Variants in DBX2 observed in about 807,000 individuals in gnomAD.
DBX2 encodes homeobox protein DBX2.
DBX2 carries 16 observed loss-of-function variants against 17.7 expected under a neutral mutation model. That is an observed-to-expected ratio of 0.90 (90% CI 0.61 to 1.37). The LOEUF is 1.37. DBX2 is among the 40% of genes most tolerant of loss of function. DBX2 has a pLI of 0.00. For synonymous variants in DBX2, 255 were observed against 183.8 expected (o/e 1.39, Z -3.13); for missense variants, 538 against 433.8 (o/e 1.24, Z -2.13).
chr12:45,049,144 G>A (rs186732791), intron 1 of DBX2, among the ~76,000 whole-genome samples: 3 of 152,136 alleles, frequency 2.0e-5, no homozygotes, highest in East Asian at 3.9e-4. Flanking sequence ...TTTTCATGGC[G>A]GAGACAATTA....
At chr12:45,041,866 T>C (rs1946473299) in intron 1 of DBX2, among the ~76,000 whole-genome samples, 1 of 152,242 alleles carries the variant, frequency 6.6e-6, no homozygotes, top group African/African-American at 2.4e-5. Flanking sequence ...TTGAGTCTGC[T>C]GGTTAATGAA....
intron 1 of DBX2, among the ~76,000 whole-genome samples, chr12:45,036,562 C>G (rs1946442189): frequency 6.6e-6 from 1 of 152,146 alleles, no homozygotes; most frequent in Non-Finnish European, 1.5e-5. Context: ...ACTCTAAATT[C>G]ACTTATATTT....
intron 1 of DBX2, among the ~76,000 whole-genome samples, chr12:45,041,114 AAAT>A (rs964971934): frequency 3.4e-5 from 5 of 148,434 alleles, no homozygotes; most frequent in Non-Finnish European, 7.4e-5. Flanking sequence ...TTATTATAAC[AAAT>A]AATAATATTA....
At position 45,015,908 on chromosome 12, in the gene DBX2, A is replaced by T. The variant is rs1253532940; in HGVS notation, c.*378T>A. ...TCAATGGTAGTTTTCTTCACATAAA[A>T]GGAAGTGAATTTACTCAATGCAATA... On this transcript the variant is annotated 3_prime_UTR_variant, in exon 4 of 4. Transcript: ENST00000332700. 6.3e-6 allele frequency: 1 copy of T among 158,000 alleles called. No homozygotes were observed. The highest frequency in any genetic ancestry group is 1.4e-5 in the Non-Finnish European group (1 of 72,216). 9.8% of individuals were successfully genotyped at this position (158,000 alleles called of 1,614,324 possible). A position where few individuals can be genotyped will look rare whatever the true frequency, so the allele number is the denominator to read the frequency against.
At chr12:45,030,233 C>A (rs1946402408) in intron 2 of DBX2, among the ~76,000 whole-genome samples, 4 of 136,552 alleles carry the variant, frequency 2.9e-5, no homozygotes, top group African/African-American at 9.8e-5. Context: ...TAGCAGCCAG[C>A]AAGCACTACC....
chr12:45,043,621 A>T (rs1367699797), intron 1 of DBX2, among the ~76,000 whole-genome samples: 1 of 152,144 alleles, frequency 6.6e-6, no homozygotes, highest in Non-Finnish European at 1.5e-5. Context: ...GCTCAGTCAA[A>T]CCTTCCCATG....
chr12:45,045,708 GT>G (rs1946495906), intron 1 of DBX2, among the ~76,000 whole-genome samples: 1 of 151,922 alleles, frequency 6.6e-6, no homozygotes, highest in Non-Finnish European at 1.5e-5. Flanking sequence ...CAATCCCTTT[GT>G]TTTTTTATTT....
At chr12:45,046,608 G>A (rs970341795) in intron 1 of DBX2, among the ~76,000 whole-genome samples, 13 of 152,126 alleles carry the variant, frequency 8.5e-5, no homozygotes, top group African/African-American at 3.1e-4. Flanking sequence ...CCTTGCGTAG[G>A]TGCCTAAAAT....
chr12:45,041,200 T>G (rs972221553), intron 1 of DBX2, among the ~76,000 whole-genome samples: 7 of 148,046 alleles, frequency 4.7e-5, no homozygotes, highest in African/African-American at 1.7e-4. Context: ...AAATAATAAA[T>G]TAAAATTAAT....
At chr12:45,030,844 G>A (rs1165470068) in intron 2 of DBX2, among the ~76,000 whole-genome samples, 1 of 152,050 alleles carries the variant, frequency 6.6e-6, no homozygotes, top group Non-Finnish European at 1.5e-5. Context: ...TCAAGCCAAG[G>A]GCTACCAATA....
rs1044671156 is a variant in DBX2, at chr12:45,015,253, A to G, written c.*1033T>C. 6.6e-6 allele frequency: 1 copy of G among 152,198 alleles called. No individual in the cohort carries two copies. Among genetic ancestry groups the G allele is most frequent in the Non-Finnish European group, 1.5e-5 (1 of 68,038 alleles). The allele number at this position is 152,198 out of a possible 1,614,324, so 9.4% of individuals were successfully genotyped here. A position where few individuals can be genotyped will look rare whatever the true frequency, so the allele number is the denominator to read the frequency against. ...TAACCTGATATATAAAGTGTATGCC[A>G]CCTAAGTGGAAAATTGAGTCCCTAA... On this transcript the variant is annotated 3_prime_UTR_variant, in exon 4 of 4. Transcript: ENST00000332700.
chr12:45,016,220 C>G lies in DBX2; in HGVS notation c.*66G>C. On this transcript the variant is annotated 3_prime_UTR_variant, in exon 4 of 4. Transcript: ENST00000332700. ...TAAGCACTGATGAGGTACAAGCTAG[C>G]TGGCATTAGAGTCCAGATGTTACTA... is the stretch of plus-strand genomic sequence containing the variant. The G allele has an allele frequency of 6.8e-7, 1 of 1,479,928 alleles. No individual in the cohort carries two copies. Among genetic ancestry groups the G allele is most frequent in the African/African-American group, 1.4e-5 (1 of 70,790 alleles). The allele number at this position is 1,479,928 out of a possible 1,614,324, so 91.7% of individuals were successfully genotyped here.
rs765692517 is a variant in DBX2, at chr12:45,023,862, C to A, written c.532G>T (p.Asp178Tyr). 1.9e-6 allele frequency: 3 copies of A among 1,590,476 alleles called. No individual in the cohort carries two copies. In the African/African-American group the frequency reaches 4.1e-5, roughly 22 times the overall value. Residue 178 changes from aspartate to tyrosine, a missense_variant, in exon 3 of 4, where the codon GAC becomes TAC. Asp to Tyr is a radical substitution (Grantham distance 160). Coordinates refer to ENST00000332700, the MANE Select transcript of DBX2 (RefSeq NM_001004329.3). ...CCCCTCCGAGCTTTGGAATTAGAGT[C>A]CTGTGTCAGGAGAGGCAGCATGCTC... ...EESMLPLLTQ[D>Y]SNSKARRGIL...
At chr12:45,017,391 T>G (rs1336666730) in intron 3 of DBX2, among the ~76,000 whole-genome samples, 1 of 152,158 alleles carries the variant, frequency 6.6e-6, no homozygotes, top group African/African-American at 2.4e-5. Context: ...TTGGAGACAT[T>G]AGCTTATGGT....
At chr12:45,031,920 G>A (rs1315479571) in intron 2 of DBX2, among the ~76,000 whole-genome samples, 1 of 151,872 alleles carries the variant, frequency 6.6e-6, no homozygotes, top group African/African-American at 2.4e-5. Context: ...TTCATAAGCA[G>A]CCCTGTTAGA....
At chr12:45,045,636 G>A (rs1169682549) in intron 1 of DBX2, among the ~76,000 whole-genome samples, 2 of 152,212 alleles carry the variant, frequency 1.3e-5, no homozygotes, top group Non-Finnish European at 2.9e-5. Flanking sequence ...TCTAAGCACA[G>A]CTTAGGTTCC....
At position 45,016,515 on chromosome 12, in the gene DBX2, G is replaced by T. The variant is rs1463729336; in HGVS notation, c.791C>A (p.Pro264His). Reference sequence around the variant, plus strand: ...GAAACCCAGAGCAGACCGTGAGAGGGGATCCTCTTGAAGACCTACTTCTTG... The same window carrying T: ...GAAACCCAGAGCAGACCGTGAGAGGTGATCCTCTTGAAGACCTACTTCTTG... The part of the protein sequence containing the change: ...CIQEVGLQED[P>H]LSRSALGFPS... The change falls in exon 4 of 4, where the codon CCC becomes CAC. Residue 264 changes from proline to histidine, a missense_variant. By Grantham distance (77) the Pro-to-His change is moderately conservative (BLOSUM62 -2). Coordinates refer to ENST00000332700, the MANE Select transcript of DBX2 (RefSeq NM_001004329.3). 3.1e-6 allele frequency: 5 copies of T among 1,612,452 alleles called. No homozygotes were observed. Among genetic ancestry groups the T allele is most frequent in the East Asian group, 2.2e-5 (1 of 44,820 alleles).
chr12:45,040,044 T>C (rs1199500652), intron 1 of DBX2, among the ~76,000 whole-genome samples: 1 of 152,162 alleles, frequency 6.6e-6, no homozygotes, highest in Non-Finnish European at 1.5e-5. Context: ...GGATGCAAAG[T>C]ACTGGTCCTG....
chr12:45,022,396 T>G (rs2731044), intron 3 of DBX2, among the ~76,000 whole-genome samples: 94,176 of 148,284 alleles, frequency 0.64, 30,255 homozygotes, highest in South Asian at 0.84. Context: ...CTCTGCCTCC[T>G]GGGTTCACGC....
Sources: allele counts gnomAD v4.1 joint callset (sites outside exome capture counted in the v4.1 genomes callset), GRCh38; gene constraint gnomAD v4.1.1; transcripts MANE v1.5; gene names NCBI Gene and HGNC (gene_info 2026-07-23, HGNC 2026-07-21).